The following DMD variants were observed in gnomAD, a reference collection of about 807,000 sequenced individuals.
DMD encodes mutant dystrophin.
In DMD, 63 loss-of-function variants were observed where a neutral mutation model predicts 330.1. The observed-to-expected ratio is 0.19, with a 90% CI of 0.16 to 0.24. The LOEUF is 0.24. Ranked by LOEUF, DMD falls within the 10% of genes least tolerant of loss-of-function variation. The pLI, the probability that DMD is intolerant of heterozygous loss-of-function variation, is 1.00. For missense variants in DMD, 3,344 were observed against 2,684.1 expected, an observed-to-expected ratio of 1.25 and a Z score of -5.43; for synonymous variants, 1,223 against 959.8, an observed-to-expected ratio of 1.27 and a Z score of -5.07.
intron 12 of DMD, among the ~76,000 whole-genome samples, chrX:32,602,697 CTACTGCT>C (rs765989728): frequency 1.8e-5 from 2 of 111,559 alleles, no homozygotes; most frequent in South Asian, 7.4e-4. Flanking sequence ...GTAGCTACCA[CTACTGCT>C]TACTCTATGT....
At chrX:31,942,232 T>C (rs764599189) in intron 45 of DMD, among the ~76,000 whole-genome samples, 24 of 111,802 alleles carry the variant, frequency 2.1e-4, no homozygotes, top group African/African-American at 3.9e-4. Flanking sequence ...TCTGTTCTGA[T>C]TTCTAACAGC....
intron 48 of DMD, among the ~76,000 whole-genome samples, chrX:31,843,141 T>C (rs1335343518): frequency 1.8e-5 from 2 of 112,302 alleles, no homozygotes. Flanking sequence ...TCTAGGTTGA[T>C]TCCTTGGCTT....
chrX:32,622,315 C>T (rs1369625), intron 11 of DMD, among the ~76,000 whole-genome samples: 18,273 of 110,634 alleles, frequency 0.17, 2,961 homozygotes, highest in African/African-American at 0.5. Context: ...CTAATAAGCA[C>T]GAAAACAAAA....
intron 20 of DMD, among the ~76,000 whole-genome samples, chrX:32,485,734 C>CTTATTTTTTTTT (rs2042377645): frequency 2.8e-5 from 1 of 36,149 alleles, no homozygotes; most frequent in Non-Finnish European, 4.7e-5. Flanking sequence ...GCAACCACTG[C>CTTATTTTTTTTT]TTTTTTTTTT....
intron 44 of DMD, among the ~76,000 whole-genome samples, chrX:32,081,316 T>C (rs140516328): frequency 0.018 from 2,010 of 112,187 alleles, 38 homozygotes; most frequent in African/African-American, 0.059. Context: ...TTTGGTATCA[T>C]ACTGTGGGAC....
intron 43 of DMD, among the ~76,000 whole-genome samples, chrX:32,263,869 A>G (rs893048396): frequency 1.7e-4 from 19 of 112,059 alleles, no homozygotes; most frequent in Non-Finnish European, 5.6e-5. Context: ...TTGATTTTAA[A>G]AAATATTTTA....
intron 34 of DMD, among the ~76,000 whole-genome samples, chrX:32,372,127 ATTAT>A (rs1047837567): frequency 6.3e-5 from 7 of 111,469 alleles, no homozygotes; most frequent in African/African-American, 2.3e-4. Flanking sequence ...TGATCAGGTG[ATTAT>A]TTATGTTTGT....
chrX:31,885,856 ACT>A (rs2094147533), intron 47 of DMD, among the ~76,000 whole-genome samples: 1 of 110,529 alleles, frequency 9.0e-6, no homozygotes, highest in Non-Finnish European at 1.9e-5. Flanking sequence ...TTAAAACATT[ACT>A]GTTTGCCATT....
At chrX:32,656,154 C>G (rs1050318466) in intron 9 of DMD, among the ~76,000 whole-genome samples, 2 of 111,805 alleles carry the variant, frequency 1.8e-5, no homozygotes, top group Admixed American at 9.5e-5. Flanking sequence ...TGGCATGTAA[C>G]CAAGTATTGG....
intron 44 of DMD, among the ~76,000 whole-genome samples, chrX:32,118,860 C>T (rs2096622498): frequency 3.6e-5 from 4 of 110,746 alleles, no homozygotes; most frequent in Admixed American, 9.6e-5. Context: ...ATTAGATTCT[C>T]ATAAGGAGCA....
At chrX:31,968,569 A>G in intron 44 of DMD, 55 bp from the exon 45 acceptor site, 1 of 1,124,661 alleles carries the variant, frequency 8.9e-7, no homozygotes, top group Non-Finnish European at 1.2e-6. Flanking sequence ...TTTTTATTTG[A>G]GAAAAGATTA....
At chrX:31,696,093 G>T (rs1380044900) in intron 52 of DMD, among the ~76,000 whole-genome samples, 2 of 111,252 alleles carry the variant, frequency 1.8e-5, no homozygotes, top group Non-Finnish European at 3.8e-5. Flanking sequence ...TATTATTTGA[G>T]TTGTAATTCC....
chrX:31,323,549 G>A (rs777500253), intron 62 of DMD, 49 bp downstream of exon 62: 1 of 1,036,975 alleles, frequency 9.6e-7, no homozygotes, highest in South Asian at 1.9e-5. Context: ...TGAATATACA[G>A]GTTAGTCACA....
chrX:31,926,309 A>G (rs1464016880), intron 47 of DMD, among the ~76,000 whole-genome samples: 12 of 111,885 alleles, frequency 1.1e-4, no homozygotes, highest in Non-Finnish European at 2.3e-4. Context: ...AGTTTAAAGC[A>G]ACCCTGTCCA....
intron 60 of DMD, among the ~76,000 whole-genome samples, chrX:31,411,457 C>A (rs964091391): frequency 9.0e-6 from 1 of 111,676 alleles, no homozygotes; most frequent in Non-Finnish European, 1.9e-5. Flanking sequence ...AAAAGACATG[C>A]GATTACTACG....
At chrX:31,708,908 G>C (rs1463893434) in intron 52 of DMD, among the ~76,000 whole-genome samples, 1 of 111,705 alleles carries the variant, frequency 9.0e-6, no homozygotes, top group Admixed American at 9.5e-5. Context: ...TTTCTTTTGA[G>C]AAGACTTTTG....
At chrX:32,401,098 G>T (rs1315982990) in intron 30 of DMD, among the ~76,000 whole-genome samples, 3 of 104,923 alleles carry the variant, frequency 2.9e-5, no homozygotes, top group Admixed American at 1.1e-4. Context: ...ACCAAACACT[G>T]CATGTTCTCA....
At chrX:33,062,370 A>G (rs1255192900) in intron 1 of DMD, among the ~76,000 whole-genome samples, 1 of 110,148 alleles carries the variant, frequency 9.1e-6, no homozygotes, top group African/African-American at 3.5e-5. Context: ...ATTTAAGATC[A>G]CTTTGTGCAT....
At chrX:31,751,872 A>G (rs1308996641) in intron 51 of DMD, among the ~76,000 whole-genome samples, 2 of 112,255 alleles carry the variant, frequency 1.8e-5, no homozygotes, top group Non-Finnish European at 3.8e-5. Context: ...AAGTCCAAAA[A>G]ATGGGTCTCA....
Sources: gnomAD v4.1 joint callset for allele counts (sites outside exome capture counted in the v4.1 genomes callset) on GRCh38, gnomAD v4.1.1 for gene constraint, MANE v1.5 for transcripts, NCBI Gene and HGNC (gene_info 2026-07-23, HGNC 2026-07-21) for gene names.